The following TMEM8B variants were observed in gnomAD, a reference collection of about 807,000 sequenced individuals.
TMEM8B encodes nasopharyngeal carcinoma expressed 6.
Under a neutral mutation model 49.3 loss-of-function variants are expected in TMEM8B, and 29 were observed. That is an observed-to-expected ratio of 0.59 (90% CI 0.44 to 0.80). The LOEUF is 0.80. Ranked by LOEUF, TMEM8B falls within the 30% of genes least tolerant of loss-of-function variation. The probability of loss-of-function intolerance (pLI) is 0.00; values close to 1 mark genes in which losing one functional copy is unlikely to be tolerated. For synonymous variants in TMEM8B, 264 were observed against 272.8 expected, an observed-to-expected ratio of 0.97 and a Z score of 0.32; for missense variants, 575 against 658.5, an observed-to-expected ratio of 0.87 and a Z score of 1.39.
At chr9:35,850,887 A>G (rs779217600) in intron 10 of TMEM8B, among the ~76,000 whole-genome samples, 86 of 152,328 alleles carry the variant, frequency 5.6e-4, no homozygotes, top group Middle Eastern at 6.8e-3. Context: ...GTTCTTTAAA[A>G]TAAAATCCAA....
intron 10 of TMEM8B, among the ~76,000 whole-genome samples, chr9:35,848,679 T>G (rs1170967694): frequency 6.7e-6 from 1 of 149,330 alleles, no homozygotes; most frequent in Non-Finnish European, 1.5e-5. Context: ...TTTTTTCTTT[T>G]TTTTTTTTTT....
chr9:35,851,681 C>A (rs1024330208), intron 10 of TMEM8B, among the ~76,000 whole-genome samples: 3 of 152,164 alleles, frequency 2.0e-5, no homozygotes, highest in Non-Finnish European at 2.9e-5. Context: ...AAGATAGATA[C>A]GCAAGCTTGA....
At chr9:35,834,029 A>AT (rs1830178550) in intron 1 of TMEM8B, among the ~76,000 whole-genome samples, 1 of 67,762 alleles carries the variant, frequency 1.5e-5, no homozygotes, top group South Asian at 5.3e-4. Flanking sequence ...GCCATGCCAA[A>AT]ATACACACAC....
Position 35,841,245 on chromosome 9 carries a change from C to T in TMEM8B, c.1018C>T (p.His340Tyr). The change falls in exon 4 of 13, where the codon CAC becomes TAC. Residue 340 changes from histidine to tyrosine, a missense_variant. Coordinates refer to ENST00000643932, the MANE Select transcript of TMEM8B (RefSeq NM_001042590.4). The surrounding 1 kb of genome is among the most constrained non-coding windows in gnomAD (Gnocchi z 5.9). The stretch of plus-strand genomic sequence containing the variant: ...GCCCTCAGAGCAAACCCTCTCCCCA[C>T]ACAATCGCTCAGCCCTGTACAAGTA... ...GRPSEQTLSPHNRSALYKVFV... is the reference protein window; with the variant it reads ...GRPSEQTLSPYNRSALYKVFV... 1 of 416,214 alleles carries T rather than the reference C, an allele frequency of 2.4e-6. No individual in the cohort carries two copies. The highest frequency in any genetic ancestry group is 3.6e-5 in the East Asian group (1 of 28,080). The allele number at this position is 416,214 out of a possible 1,614,324, so 25.8% of individuals were successfully genotyped here. A position where few individuals can be genotyped will look rare whatever the true frequency, so the allele number is the denominator to read the frequency against.
At position 35,836,659 on chromosome 9, in the gene TMEM8B, A is replaced by G. The variant is rs186695337; in HGVS notation, c.906+1441A>G. ...CAGAGAAAAGCTGCTCAGACCCTAA[A>G]GGGTGATTCAAGTGCCCAGACCAAG... On this transcript the variant is annotated intron_variant, in intron 3 of 12. Coordinates refer to ENST00000643932, the MANE Select transcript of TMEM8B (RefSeq NM_001042590.4). Among the ~76,000 whole-genome samples the G allele has an allele frequency of 1.7e-3, 265 of 152,332 alleles. 1 individual carries two copies. Among genetic ancestry groups the G allele is most frequent in the Non-Finnish European group, 2.9e-3 (200 of 68,032 alleles).
In TMEM8B at chr9:35,853,836, G is replaced by A. The variant is rs765768061; in HGVS notation, c.2771G>A (p.Ser924Asn). Residue 924 changes from serine (S) to asparagine (N), a missense_variant, in exon 13 of 13, where the codon AGC becomes AAC. Ser to Asn is a conservative substitution (Grantham distance 46). Transcript: ENST00000643932. This position sits in a 1 kb window ranked among gnomAD's most constrained non-coding sequence, Gnocchi z 4.2. ...GCCACTGTCAGCAGCATCTGTGCCAGCTGAGAGGGGCTTTGGGCCTGGCCC... is the reference window on the plus strand; with the variant it reads ...GCCACTGTCAGCAGCATCTGTGCCAACTGAGAGGGGCTTTGGGCCTGGCCC... ...GGATVSSICA[S>N] is the part of the protein sequence containing the mutation. The A allele has an allele frequency of 2.0e-6, 3 of 1,533,882 alleles. No individual in the cohort carries two copies. Among genetic ancestry groups the A allele is most frequent in the African/African-American group, 2.8e-5 (2 of 72,352 alleles).
chr9:35,847,147 C>T, intron 10 of TMEM8B, 152 bp downstream of exon 10: 1 of 1,612,612 alleles, frequency 6.2e-7, no homozygotes, highest in Non-Finnish European at 8.5e-7. Flanking sequence ...CCCAAACTGT[C>T]ATGCATAGAT....
intron 3 of TMEM8B, among the ~76,000 whole-genome samples, chr9:35,836,021 C>A (rs1182145617): frequency 6.6e-6 from 1 of 152,166 alleles, no homozygotes; most frequent in Non-Finnish European, 1.5e-5. Flanking sequence ...TGGCCACGTG[C>A]ATGGGGCCTG....
rs1832716197 is a variant in TMEM8B at position 35,865,125 on chromosome 9, G to C, written c.*11285G>C. ...CTGCTGAGGTGAAGTGGGCATAGGA[G>C]AGAGAGTGGACAGAGAATCTGAATA... On this transcript the variant is annotated 3_prime_UTR_variant, in exon 13 of 13. Coordinates refer to ENST00000643932, the MANE Select transcript of TMEM8B (RefSeq NM_001042590.4). 6.6e-6 allele frequency: 1 copy of C among 152,282 alleles called. No homozygotes were observed. The highest frequency in any genetic ancestry group is 1.5e-5 in the Non-Finnish European group (1 of 68,084). The allele number at this position is 152,282 out of a possible 1,614,324, so 9.4% of individuals were successfully genotyped here.
In TMEM8B at chr9:35,861,300, C is replaced by G. The variant is rs1333468493; in HGVS notation, c.*7460C>G. ...ACCATCTCTTTTCCCAGCTCCGCACCTTTGTCCGAGATGGAGGCGTGTCCT... is the reference window on the plus strand; with the variant it reads ...ACCATCTCTTTTCCCAGCTCCGCACGTTTGTCCGAGATGGAGGCGTGTCCT... On this transcript the variant is annotated 3_prime_UTR_variant, in exon 13 of 13. Coordinates refer to ENST00000643932, the MANE Select transcript of TMEM8B (RefSeq NM_001042590.4). 1 of 152,354 alleles carries G rather than the reference C, an allele frequency of 6.6e-6. No homozygotes were observed. The highest frequency in any genetic ancestry group is 1.5e-5 in the Non-Finnish European group (1 of 68,124). The allele number at this position is 152,354 out of a possible 1,614,324, so 9.4% of individuals were successfully genotyped here. A position where few individuals can be genotyped will look rare whatever the true frequency, so the allele number is the denominator to read the frequency against.
Position 35,842,341 on chromosome 9 carries a change from T to G in TMEM8B, c.1310-51T>G. The G allele has an allele frequency of 7.3e-7, 1 of 1,369,552 alleles. No homozygotes were observed. The highest frequency in any genetic ancestry group is 9.8e-7 in the Non-Finnish European group (1 of 1,023,738). The allele number at this position is 1,369,552 out of a possible 1,614,324, so 84.8% of individuals were successfully genotyped here. A position where few individuals can be genotyped will look rare whatever the true frequency, so the allele number is the denominator to read the frequency against. On this transcript the variant is annotated intron_variant, in intron 5 of 12. Coordinates refer to ENST00000643932, the MANE Select transcript of TMEM8B (RefSeq NM_001042590.4). The surrounding 1 kb of genome is among the most constrained non-coding windows in gnomAD (Gnocchi z 5.6). Reference sequence around the variant, plus strand: ...AGCTCAGATGTGTTTATGAGTAAGTTCAGGACTGTAAAGGCTGCAGGCCCA... The same window carrying G: ...AGCTCAGATGTGTTTATGAGTAAGTGCAGGACTGTAAAGGCTGCAGGCCCA...
chr9:35,845,445 A>C, intron 6 of TMEM8B: 1 of 985,432 alleles, frequency 1.0e-6, no homozygotes, highest in Non-Finnish European at 1.2e-6. Context: ...TCTTGCAGAT[A>C]TCTGGTTTCT....
rs141933774 is a variant in TMEM8B, at chr9:35,864,063, T to C, written c.*10223T>C. On this transcript the variant is annotated 3_prime_UTR_variant, in exon 13 of 13. Transcript: ENST00000643932. ...TTGAGAAGCAGAGTGATGCCTAGAA[T>C]GAGCCCTGGACTGGGAGGGCACGTC... The C allele has an allele frequency of 3.3e-5, 5 of 152,346 alleles. No individual in the cohort carries two copies. Among genetic ancestry groups the C allele is most frequent in the East Asian group, 1.9e-4 (1 of 5,186 alleles). The allele number at this position is 152,346 out of a possible 1,614,324, so 9.4% of individuals were successfully genotyped here. A position where few individuals can be genotyped will look rare whatever the true frequency, so the allele number is the denominator to read the frequency against.
In TMEM8B at chr9:35,853,855, C is replaced by T. The variant is rs1387054884; in HGVS notation, c.*15C>T. 2 of 1,524,878 alleles carry T rather than the reference C, an allele frequency of 1.3e-6. No homozygotes were observed. The highest frequency in any genetic ancestry group is 1.8e-6 in the Non-Finnish European group (2 of 1,142,032). The allele number at this position is 1,524,878 out of a possible 1,614,324, so 94.5% of individuals were successfully genotyped here. A position where few individuals can be genotyped will look rare whatever the true frequency, so the allele number is the denominator to read the frequency against. On this transcript the variant is annotated 3_prime_UTR_variant, in exon 13 of 13. Coordinates refer to ENST00000643932, the MANE Select transcript of TMEM8B (RefSeq NM_001042590.4). This position sits in a 1 kb window ranked among gnomAD's most constrained non-coding sequence, Gnocchi z 4.2. ...GTGCCAGCTGAGAGGGGCTTTGGGC[C>T]TGGCCCTGAGGGGATATGAATGCTT... is the stretch of plus-strand genomic sequence containing the variant.
Position 35,845,985 on chromosome 9 carries a change from G to A in TMEM8B, c.1646G>A (p.Arg549His). The A allele has an allele frequency of 6.2e-7, 1 of 1,613,964 alleles. No homozygotes were observed. Among genetic ancestry groups the A allele is most frequent in the Non-Finnish European group, 8.5e-7 (1 of 1,179,944 alleles). ...ACCTGCCCTCCCCAGAGCTCCGTGCGCCAGGAAAACGTGACGGTGTTTGGA... is the reference window on the plus strand; with the variant it reads ...ACCTGCCCTCCCCAGAGCTCCGTGCACCAGGAAAACGTGACGGTGTTTGGA... Reference protein sequence around the residue: ...LELQLNASSVRQENVTVFGCL... With the variant: ...LELQLNASSVHQENVTVFGCL... The change falls in exon 7 of 13, where the codon CGC becomes CAC. Residue 549 changes from arginine to histidine, a missense_variant. By Grantham distance (29) the Arg-to-His change is conservative. Transcript: ENST00000643932.
chr9:35,842,652 G>T lies in TMEM8B; in HGVS notation c.1570G>T (p.Ala524Ser), dbSNP rs778446612. 6.2e-7 allele frequency: 1 copy of T among 1,614,094 alleles called. No individual in the cohort carries two copies. Among genetic ancestry groups the T allele is most frequent in the Non-Finnish European group, 8.5e-7 (1 of 1,179,988 alleles). ...TCCCCCTGAGCGCCCAGCCGTGTTC[G>T]CCATGAGGCTGTTGCCAGTGCTGGA... Reference protein sequence around the residue: ...ALPPERPAVFAMRLLPVLDSG... With the variant: ...ALPPERPAVFSMRLLPVLDSG... The change falls in exon 6 of 13, where the codon GCC becomes TCC. Residue 524 changes from alanine (A) to serine (S), a missense_variant. Transcript: ENST00000643932. This position sits in a 1 kb window ranked among gnomAD's most constrained non-coding sequence, Gnocchi z 5.6.
chr9:35,832,931 T>C (rs1330623243), intron 1 of TMEM8B, among the ~76,000 whole-genome samples: 4 of 152,194 alleles, frequency 2.6e-5, no homozygotes, highest in Non-Finnish European at 5.9e-5. Context: ...GCTGCACTGG[T>C]AGCCTCTCTG....
chr9:35,847,126 C>T (rs1379463150), intron 10 of TMEM8B, 131 bp downstream of exon 10: 2 of 1,614,170 alleles, frequency 1.2e-6, no homozygotes, highest in Admixed American at 1.7e-5. Flanking sequence ...CAGACAGAGA[C>T]AGCAGTGCTT....
chr9:35,852,922 C>T lies in TMEM8B; in HGVS notation c.2271C>T (p.Ser757=), dbSNP rs201246215. The change falls in exon 11 of 13, where the codon TCC becomes TCT. Residue 757 remains serine (S), a synonymous_variant. Coordinates refer to ENST00000643932, the MANE Select transcript of TMEM8B (RefSeq NM_001042590.4). ...GTGATTTCCTGGGCTCCTTAATGTC[C>T]GTGTGGGTCACTGTCATTGCCATGG... ...QFCDFLGSLM[S]VWVTVIAMAR... 1.3e-4 allele frequency: 214 copies of T among 1,614,200 alleles called. 2 individuals are homozygous for T. Among genetic ancestry groups the T allele is most frequent in the South Asian group, 9.8e-4 (89 of 91,090 alleles).
Sources: allele counts gnomAD v4.1 joint callset (sites outside exome capture counted in the v4.1 genomes callset), GRCh38; gene constraint gnomAD v4.1.1; non-coding constraint Gnocchi (gnomAD v3.1); transcripts MANE v1.5; gene names NCBI Gene and HGNC (gene_info 2026-07-23, HGNC 2026-07-21).